Variants in DIAPH2 observed in about 807,000 individuals in gnomAD.
DIAPH2 encodes the protein diaphanous related formin 2.
In DIAPH2, 35 loss-of-function variants were observed where a neutral mutation model predicts 92.7. The observed-to-expected ratio is 0.38, with a 90% confidence interval of 0.29 to 0.50. The LOEUF is 0.50. Ranked by LOEUF, DIAPH2 falls within the 20% of genes least tolerant of loss-of-function variation. The pLI is 0.94. For synonymous variants in DIAPH2, 301 were observed against 280.4 expected, an observed-to-expected ratio of 1.07 and a Z score of -0.73; for missense variants, 701 against 819.5, an observed-to-expected ratio of 0.86 and a Z score of 1.77.
chrX:96,792,189 GT>G (rs1264420402), intron 4 of DIAPH2, among the ~76,000 whole-genome samples: 2 of 111,937 alleles, frequency 1.8e-5, no homozygotes, highest in African/African-American at 6.5e-5. Context: ...ACAGAATGTT[GT>G]TTTATGATAT....
intron 15 of DIAPH2, among the ~76,000 whole-genome samples, chrX:96,955,606 A>G (rs1285503823): frequency 8.9e-6 from 1 of 111,822 alleles, no homozygotes; most frequent in African/African-American, 3.3e-5. Flanking sequence ...GTCACTTCCT[A>G]GATACAATGG....
intron 26 of DIAPH2, among the ~76,000 whole-genome samples, chrX:97,552,362 C>CT (rs753345479): frequency 9.0e-6 from 1 of 111,553 alleles, no homozygotes; most frequent in African/African-American, 3.2e-5. Context: ...AACTAATAAA[C>CT]TGAATAAGTA....
intron 22 of DIAPH2, among the ~76,000 whole-genome samples, chrX:97,142,649 T>C (rs1211024797): frequency 8.9e-6 from 1 of 111,856 alleles, no homozygotes; most frequent in African/African-American, 3.2e-5. Context: ...GTAAGTATTA[T>C]CTACTTTTGC....
chrX:97,323,388 G>A (rs1325637286), intron 23 of DIAPH2, among the ~76,000 whole-genome samples: 3 of 97,719 alleles, frequency 3.1e-5, no homozygotes, highest in African/African-American at 1.1e-4. Flanking sequence ...TCAGGAGATC[G>A]AGACCATCCT....
At chrX:97,326,907 C>T (rs769607708) in intron 23 of DIAPH2, among the ~76,000 whole-genome samples, 1 of 111,675 alleles carries the variant, frequency 9.0e-6, no homozygotes, top group African/African-American at 3.2e-5. Flanking sequence ...AAGAGGGAAA[C>T]AGGAGCAGAT....
chrX:96,830,770 A>G (rs2064849379), intron 4 of DIAPH2, among the ~76,000 whole-genome samples: 1 of 109,994 alleles, frequency 9.1e-6, no homozygotes, highest in East Asian at 2.8e-4. Context: ...AAAAAGTAAC[A>G]AATTAACAAA....
intron 1 of DIAPH2, among the ~76,000 whole-genome samples, chrX:96,734,049 C>T (rs1471803190): frequency 8.9e-6 from 1 of 111,931 alleles, no homozygotes; most frequent in African/African-American, 3.2e-5. Flanking sequence ...CAGTCTCGTC[C>T]CATAGGACCA....
intron 15 of DIAPH2, among the ~76,000 whole-genome samples, chrX:96,951,367 A>C (rs748536614): frequency 1.8e-5 from 2 of 111,576 alleles, no homozygotes; most frequent in Non-Finnish European, 3.8e-5. Context: ...ACTTTTCTAG[A>C]CCACTCATGG....
chrX:97,436,012 A>G (rs951230717), intron 26 of DIAPH2, among the ~76,000 whole-genome samples: 1 of 110,309 alleles, frequency 9.1e-6, no homozygotes, highest in African/African-American at 3.3e-5. Context: ...TCACCGTGTT[A>G]GCCAGGATGG....
At chrX:97,481,395 C>T (rs1268004499) in intron 26 of DIAPH2, among the ~76,000 whole-genome samples, 1 of 111,349 alleles carries the variant, frequency 9.0e-6, no homozygotes, top group African/African-American at 3.3e-5. Context: ...TAAGAGGAAA[C>T]ATCAGGCCTA....
intron 23 of DIAPH2, among the ~76,000 whole-genome samples, chrX:97,313,930 G>C (rs777088960): frequency 9.1e-6 from 1 of 110,424 alleles, no homozygotes; most frequent in African/African-American, 3.3e-5. Context: ...ATGAGCCACC[G>C]TGCCCGGCCT....
chrX:97,342,893 A>G (rs2069124255), intron 23 of DIAPH2, among the ~76,000 whole-genome samples: 1 of 111,659 alleles, frequency 9.0e-6, no homozygotes, highest in Admixed American at 9.6e-5. Flanking sequence ...GCTTGGTGGG[A>G]AAGAAACAGT....
At chrX:97,392,092 A>C (rs1327954021) in intron 25 of DIAPH2, among the ~76,000 whole-genome samples, 3 of 112,033 alleles carry the variant, frequency 2.7e-5, no homozygotes, top group Non-Finnish European at 5.6e-5. Context: ...CTAAAAATTT[A>C]AATTCTGTGT....
chrX:97,364,479 T>G (rs999774035), intron 24 of DIAPH2, among the ~76,000 whole-genome samples: 27 of 112,322 alleles, frequency 2.4e-4, no homozygotes, highest in South Asian at 3.8e-4. Flanking sequence ...GCAGAAATAC[T>G]ACACTCACCT....
intron 26 of DIAPH2, among the ~76,000 whole-genome samples, chrX:97,516,180 G>A (rs1452926484): frequency 3.6e-5 from 4 of 110,071 alleles, no homozygotes; most frequent in East Asian, 5.7e-4. Context: ...GCTGGAACCC[G>A]GAAGGTGGAG....
intron 23 of DIAPH2, among the ~76,000 whole-genome samples, chrX:97,263,556 GTTATTTATTTAT>G (rs201397413): frequency 0.016 from 1,581 of 98,015 alleles, 14 homozygotes; most frequent in Non-Finnish European, 0.02. Flanking sequence ...TGTTCCAACT[GTTATTTATTTAT>G]TTATTTATTT....
intron 17 of DIAPH2, among the ~76,000 whole-genome samples, chrX:96,998,856 T>C (rs1487446277): frequency 8.9e-6 from 1 of 112,196 alleles, no homozygotes; most frequent in Non-Finnish European, 1.9e-5. Context: ...AAAATGGGGA[T>C]AATAATAGTA....
chrX:96,833,037 C>G (rs2064865403), intron 4 of DIAPH2, among the ~76,000 whole-genome samples: 1 of 111,186 alleles, frequency 9.0e-6, no homozygotes, highest in Non-Finnish European at 1.9e-5. Flanking sequence ...CACCAACACA[C>G]ACATACATAC....
intron 24 of DIAPH2, among the ~76,000 whole-genome samples, chrX:97,351,369 G>A (rs1001609256): frequency 1.8e-5 from 2 of 112,253 alleles, no homozygotes; most frequent in Non-Finnish European, 3.8e-5. Flanking sequence ...AAAAGGAAGA[G>A]AATGGTTTCT....
Sources: allele counts gnomAD v4.1 joint callset (sites outside exome capture counted in the v4.1 genomes callset), GRCh38; gene constraint gnomAD v4.1.1; transcripts MANE v1.5; gene names NCBI Gene and HGNC (gene_info 2026-07-23, HGNC 2026-07-21).